PHF21A: variants seen among roughly 807,000 people sequenced by gnomAD.
PHF21A encodes the protein PHD finger protein 21A, also known as BHC80a.
A neutral mutation model predicts 82.5 loss-of-function variants in PHF21A; 11 were observed. The observed-to-expected ratio is 0.13, with a 90% CI of 0.08 to 0.22. PHF21A has a LOEUF of 0.22. Among genes scored for constraint, PHF21A ranks in the 10% least tolerant of loss-of-function variants. The pLI is 1.00. For missense variants in PHF21A, 579 were observed against 837.8 expected, an observed-to-expected ratio of 0.69 and a Z score of 3.81; for synonymous variants, 297 against 302.8, an observed-to-expected ratio of 0.98 and a Z score of 0.20.
At chr11:46,000,082 T>C (rs989624047) in intron 6 of PHF21A, among the ~76,000 whole-genome samples, 2 of 152,174 alleles carry the variant, frequency 1.3e-5, no homozygotes, top group Non-Finnish European at 2.9e-5. Flanking sequence ...GACAGTACAT[T>C]AGCCCTTTTA....
At chr11:46,038,088 T>C (rs2096052649) in intron 6 of PHF21A, among the ~76,000 whole-genome samples, 1 of 152,146 alleles carries the variant, frequency 6.6e-6, no homozygotes, top group Non-Finnish European at 1.5e-5. Flanking sequence ...TGCCTCCCTG[T>C]ATTGAGTTTA....
intron 9 of PHF21A, among the ~76,000 whole-genome samples, chr11:45,967,096 C>T (rs1317210274): frequency 6.6e-6 from 1 of 152,256 alleles, no homozygotes; most frequent in East Asian, 1.9e-4. Context: ...TGGCCGGGCA[C>T]AGTGGCTCAC....
intron 6 of PHF21A, among the ~76,000 whole-genome samples, chr11:46,044,842 A>C (rs2096230215): frequency 6.6e-6 from 1 of 152,228 alleles, no homozygotes; most frequent in Non-Finnish European, 1.5e-5. Flanking sequence ...CAGACAGGCC[A>C]ATGAAACCTT....
intron 8 of PHF21A, 39 bp downstream of exon 8, chr11:45,971,069 CCTAACCTT>C: frequency 6.2e-7 from 1 of 1,603,704 alleles, no homozygotes; most frequent in South Asian, 1.1e-5. Context: ...AAATGCGTAT[CCTAACCTT>C]CTCATGTGAT....
chr11:45,938,327 G>A lies in PHF21A; in HGVS notation c.1453-15C>T. 6.3e-7 allele frequency: 1 copy of A among 1,598,486 alleles called. No individual in the cohort carries two copies. Among genetic ancestry groups the A allele is most frequent in the Non-Finnish European group, 8.5e-7 (1 of 1,171,974 alleles). ...TGAATATCACCCTATAAAGTTGAGA[G>A]GAAAGGTAAGAAAAAGGACAAAAAA... On this transcript the variant is annotated splice_polypyrimidine_tract_variant and intron_variant, in intron 15 of 18. Transcript: ENST00000676320.
At chr11:46,041,904 T>C (rs1326951493) in intron 6 of PHF21A, among the ~76,000 whole-genome samples, 1 of 152,134 alleles carries the variant, frequency 6.6e-6, no homozygotes, top group South Asian at 2.1e-4. Context: ...TTGTGTCTTA[T>C]AGTAAAGACA....
chr11:46,079,837 G>A (rs1227672224), intron 4 of PHF21A, among the ~76,000 whole-genome samples: 3 of 150,346 alleles, frequency 2.0e-5, no homozygotes, highest in African/African-American at 7.5e-5. Context: ...AAATGGAAAG[G>A]AAAGGAAAGG....
chr11:45,990,329 G>A (rs2094648470), intron 6 of PHF21A, among the ~76,000 whole-genome samples: 1 of 139,492 alleles, frequency 7.2e-6, no homozygotes, highest in African/African-American at 2.6e-5. Flanking sequence ...CATGATCTGG[G>A]CTCACTGCAG....
intron 1 of PHF21A, among the ~76,000 whole-genome samples, chr11:46,107,923 T>C (rs1188355140): frequency 6.6e-6 from 1 of 152,134 alleles, no homozygotes; most frequent in Non-Finnish European, 1.5e-5. Context: ...TGAGTAGGGA[T>C]AGGTGATGGG....
chr11:46,113,975 T>G (rs7125387), intron 1 of PHF21A, among the ~76,000 whole-genome samples: 1 of 152,014 alleles, frequency 6.6e-6, no homozygotes, highest in Non-Finnish European at 1.5e-5. Flanking sequence ...AATAATTTTT[T>G]TAGTAATACG....
At chr11:46,074,046 T>G (rs1006503109) in intron 6 of PHF21A, among the ~76,000 whole-genome samples, 1 of 151,968 alleles carries the variant, frequency 6.6e-6, no homozygotes, top group Non-Finnish European at 1.5e-5. Flanking sequence ...TATCAAAGAT[T>G]GAAGTGGCAA....
chr11:46,100,913 TC>T (rs1277571553), intron 1 of PHF21A, among the ~76,000 whole-genome samples: 2 of 152,106 alleles, frequency 1.3e-5, no homozygotes, highest in East Asian at 3.8e-4. Context: ...TAGTCAAAAG[TC>T]CCTCCTTGAC....
intron 6 of PHF21A, among the ~76,000 whole-genome samples, chr11:46,068,932 C>G (rs1019287085): frequency 6.6e-6 from 1 of 152,064 alleles, no homozygotes; most frequent in South Asian, 2.1e-4. Flanking sequence ...TAATGTGGCA[C>G]GTTATTAAAG....
intron 6 of PHF21A, among the ~76,000 whole-genome samples, chr11:46,010,505 T>C (rs1300201741): frequency 6.6e-6 from 1 of 152,252 alleles, no homozygotes; most frequent in Non-Finnish European, 1.5e-5. Context: ...CCTGAATTTC[T>C]TTCTGCTTTA....
intron 6 of PHF21A, among the ~76,000 whole-genome samples, chr11:46,019,699 C>T (rs1018805702): frequency 6.6e-6 from 1 of 152,120 alleles, no homozygotes; most frequent in South Asian, 2.1e-4. Flanking sequence ...GAAATTTAGT[C>T]GTATTAGTCT....
chr11:46,102,049 G>C (rs1222467943), intron 1 of PHF21A, among the ~76,000 whole-genome samples: 1 of 152,050 alleles, frequency 6.6e-6, no homozygotes, highest in Non-Finnish European at 1.5e-5. Context: ...GTAGAGACAG[G>C]GTTTCATCAT....
intron 6 of PHF21A, among the ~76,000 whole-genome samples, chr11:46,064,672 T>G (rs1357605424): frequency 3.3e-5 from 5 of 152,190 alleles, no homozygotes; most frequent in African/African-American, 4.8e-5. Context: ...AATATATGAT[T>G]TGGCCTGTCA....
In PHF21A at chr11:45,930,098, TAAG is replaced by T. The variant is rs1243000561; in HGVS notation, c.*3867_*3869del. 2 of 152,122 alleles carry T rather than the reference TAAG, an allele frequency of 1.3e-5. No individual in the cohort carries two copies. Among genetic ancestry groups the T allele is most frequent in the Admixed American group, 6.5e-5 (1 of 15,276 alleles). The allele number at this position is 152,122 out of a possible 1,614,324, so 9.4% of individuals were successfully genotyped here. ...TCCTAAATTCAGCCCTTTAGATAAA[TAAG>T]AAGGACCACGCCCTATAAGAGAATG... is the stretch of plus-strand genomic sequence containing the variant. On this transcript the variant is annotated 3_prime_UTR_variant, in exon 19 of 19. Transcript: ENST00000676320.
At chr11:46,113,629 A>C (rs1200328508) in intron 1 of PHF21A, among the ~76,000 whole-genome samples, 2 of 152,128 alleles carry the variant, frequency 1.3e-5, no homozygotes, top group African/African-American at 4.8e-5. Context: ...AGAGATCGAG[A>C]CCATCCTGGC....
Sources: gnomAD v4.1 joint callset for allele counts (sites outside exome capture counted in the v4.1 genomes callset) on GRCh38, gnomAD v4.1.1 for gene constraint, MANE v1.5 for transcripts, NCBI Gene and HGNC (gene_info 2026-07-23, HGNC 2026-07-21) for gene names.